Variants in SLC2A11 observed in about 807,000 individuals in gnomAD.
SLC2A11 encodes the protein solute carrier family 2 member 11, also known as solute carrier family 2, facilitated glucose transporter member 11.
SLC2A11 carries 43 observed loss-of-function variants against 52.1 expected under a neutral mutation model. That is an observed-to-expected ratio of 0.82 (90% CI 0.65 to 1.06). SLC2A11 has a LOEUF of 1.06. Ranked by LOEUF, SLC2A11 falls within the 50% of genes least tolerant of loss-of-function variation. The probability of loss-of-function intolerance (pLI) is 0.00; values close to 1 mark genes in which losing one functional copy is unlikely to be tolerated. For missense variants in SLC2A11, 582 were observed against 654.2 expected (o/e 0.89, Z 1.20); for synonymous variants, 261 against 277.6 (o/e 0.94, Z 0.59).
At chr22:23,869,887 A>G (rs1455098170) in intron 3 of SLC2A11, 11 of 670,128 alleles carry the variant, frequency 1.6e-5, no homozygotes, top group Non-Finnish European at 2.7e-6. Flanking sequence ...GTGTCCTCAT[A>G]TGGTGAAAGA....
At chr22:23,864,424 C>T (rs542678775) in intron 2 of SLC2A11, among the ~76,000 whole-genome samples, 2 of 152,220 alleles carry the variant, frequency 1.3e-5, no homozygotes, top group East Asian at 1.9e-4. Context: ...TGGGTTCAAG[C>T]GATTCTGCCT....
Position 23,884,692 on chromosome 22 carries a change from G to A in SLC2A11, c.1343G>A (p.Cys448Tyr). 2 of 1,613,294 alleles carry A rather than the reference G, an allele frequency of 1.2e-6. No individual in the cohort carries two copies. The highest frequency in any genetic ancestry group is 1.1e-5 in the South Asian group (1 of 90,984). The change falls in exon 12 of 12, where the codon TGT (cysteine) becomes TAT (tyrosine). Residue 448 changes from cysteine (C) to tyrosine (Y), a missense_variant. Physicochemically the swap from Cys to Tyr is radical, Grantham distance 194 (BLOSUM62 -2). Coordinates refer to ENST00000316185, the MANE Select transcript of SLC2A11 (RefSeq NM_001024939.4). This position sits in a 1 kb window ranked among gnomAD's most constrained non-coding sequence, Gnocchi z 4.3. The stretch of plus-strand genomic sequence containing the variant: ...CTCTATGTCCCTTTCCTTGGTGTCT[G>A]TGTCTGTGGGGCCATCTACACTGGC... ...HFLYVPFLGV[C>Y]VCGAIYTGLF...
chr22:23,872,641 A>G (rs2032493135), intron 3 of SLC2A11: 1 of 152,252 alleles, frequency 6.6e-6, no homozygotes, highest in African/African-American at 2.4e-5. Flanking sequence ...AAGTCACCTG[A>G]TAAATGTGCC....
upstream of SLC2A11, chr22:23,857,610 A>G (rs1433027246): frequency 1.1e-5 from 9 of 846,976 alleles, 1 homozygote; most frequent in Admixed American, 1.4e-4. Context: ...CCCCCCCAAC[A>G]CGCTGGGGCG....
intron 2 of SLC2A11, chr22:23,862,454 A>C (rs371238032): frequency 2.1e-6 from 1 of 473,804 alleles, no homozygotes. Context: ...GTCAGCCTTG[A>C]CTCTTCTCTT....
intron 2 of SLC2A11, 31 bp downstream of exon 2, chr22:23,862,233 C>T: frequency 6.3e-7 from 1 of 1,598,908 alleles, no homozygotes; most frequent in Non-Finnish European, 8.6e-7. Flanking sequence ...GAGACTGTCC[C>T]TGTCTGAGTG....
rs146629224 is a variant in SLC2A11, at chr22:23,858,202, G to T, written c.30+173G>T. On this transcript the variant is annotated intron_variant, in intron 1 of 11. Coordinates refer to ENST00000316185, the MANE Select transcript of SLC2A11 (RefSeq NM_001024939.4). ...TGCTAGGCTCAGATGTGCATAGGCA[G>T]GTGTTTACGCCCAGGGTCGGCCTGT... 1,163 of 1,045,582 alleles carry T rather than the reference G, an allele frequency of 1.1e-3. 12 individuals carry two copies. In the East Asian group the frequency reaches 0.013, roughly 12 times the overall value. 64.8% of individuals were successfully genotyped at this position (1,045,582 alleles called of 1,614,324 possible).
At chr22:23,866,997 C>G (rs1351874313) in intron 2 of SLC2A11, 2 of 152,486 alleles carry the variant, frequency 1.3e-5, no homozygotes, top group East Asian at 3.8e-4. Context: ...ACTTCTCTCT[C>G]CTGCCTCCTG....
upstream of SLC2A11, chr22:23,856,940 C>G (rs371651897): frequency 6.8e-6 from 11 of 1,607,510 alleles, no homozygotes; most frequent in East Asian, 6.7e-5. Context: ...CCGCATTCCG[C>G]CAAGTCTCTC....
chr22:23,868,599 T>C lies in SLC2A11; in HGVS notation c.248T>C (p.Phe83Ser). The C allele has an allele frequency of 6.2e-7, 1 of 1,614,194 alleles. No individual in the cohort carries two copies. The highest frequency in any genetic ancestry group is 1.3e-5 in the African/African-American group (1 of 75,046). The change falls in exon 3 of 12, where the codon TTT becomes TCT. Residue 83 changes from phenylalanine (F) to serine (S), a missense_variant. Transcript: ENST00000316185. ...TCTCTGTATCCCCTGGGAGGCCTCT[T>C]TGGAGCACTGCTTGCAGGTCCCTTG... ...IVSLYPLGGLFGALLAGPLAI... is the reference protein window; with the variant it reads ...IVSLYPLGGLSGALLAGPLAI...
At chr22:23,868,871 T>G (rs2032359952) in intron 3 of SLC2A11, 1 of 503,314 alleles carries the variant, frequency 2.0e-6, no homozygotes, top group Admixed American at 3.3e-5. Context: ...GTTTCTAATT[T>G]CATGTCTGCC....
chr22:23,862,037 C>A, intron 1 of SLC2A11, 67 bp from the exon 2 acceptor site: 1 of 1,284,524 alleles, frequency 7.8e-7, no homozygotes, highest in Non-Finnish European at 1.1e-6. Flanking sequence ...CTGTGATTGG[C>A]AGCTCTGGTC....
Position 23,875,158 on chromosome 22 carries a change from C to T in SLC2A11, c.332C>T (p.Ala111Val). 6.3e-7 allele frequency: 1 copy of T among 1,595,760 alleles called. No homozygotes were observed. The highest frequency in any genetic ancestry group is 1.1e-5 in the South Asian group (1 of 88,534). ...GTGAATAACATCTTTGTGGTGTCAG[C>T]AGCAATCCTGTTTGGATTCAGCCGC... ...LLVNNIFVVS[A>V]AILFGFSRKA... Residue 111 changes from alanine (A) to valine (V), a missense_variant, in exon 4 of 12, where the codon GCA becomes GTA. By Grantham distance (64) the Ala-to-Val change is moderately conservative. Coordinates refer to ENST00000316185, the MANE Select transcript of SLC2A11 (RefSeq NM_001024939.4).
intron 3 of SLC2A11, chr22:23,871,408 CAAAA>C (rs530149356): frequency 5.2e-5 from 4 of 76,614 alleles, no homozygotes; most frequent in South Asian, 4.4e-4. Context: ...GACTCCATCT[CAAAA>C]AAAAAAAAAA....
At chr22:23,858,834 C>T (rs1026274338) in intron 1 of SLC2A11, among the ~76,000 whole-genome samples, 1 of 152,202 alleles carries the variant, frequency 6.6e-6, no homozygotes, top group Non-Finnish European at 1.5e-5. Context: ...TTTGCGATTG[C>T]TTGTCTTTCT....
chr22:23,881,101 A>G (rs2032781698), intron 6 of SLC2A11: 1 of 151,318 alleles, frequency 6.6e-6, no homozygotes, highest in African/African-American at 2.4e-5. Context: ...TCTATTGCTG[A>G]CTAATAGATG....
At chr22:23,857,492 G>A (rs533061803), upstream of SLC2A11, 5 of 1,613,940 alleles carry the variant, frequency 3.1e-6, no homozygotes, top group East Asian at 8.9e-5. Flanking sequence ...AGAGGCGGAT[G>A]GAGGATGAAC....
At chr22:23,870,193 A>G in intron 3 of SLC2A11, 1 of 612,746 alleles carries the variant, frequency 1.6e-6, no homozygotes, top group Non-Finnish European at 2.9e-6. Context: ...CCCACGAAGA[A>G]GACGGAGGTA....
rs780602707 is a variant in SLC2A11, at chr22:23,875,144, C to A, written c.318C>A (p.Ile106=). 1 of 1,594,854 alleles carries A rather than the reference C, an allele frequency of 6.3e-7. No homozygotes were observed. The highest frequency in any genetic ancestry group is 1.3e-5 in the African/African-American group (1 of 74,290). The change falls in exon 4 of 12, where the codon ATC becomes ATA. Residue 106 remains isoleucine, a synonymous_variant. Transcript: ENST00000316185. ...AGAAGTCCCTCCTGGTGAATAACAT[C>A]TTTGTGGTGTCAGCAGCAATCCTGT... ...GRKKSLLVNN[I]FVVSAAILFG... is the part of the protein sequence containing the mutation.
Sources: gnomAD v4.1 joint callset for allele counts (sites outside exome capture counted in the v4.1 genomes callset) on GRCh38, gnomAD v4.1.1 for gene constraint, Gnocchi (gnomAD v3.1) non-coding constraint, MANE v1.5 for transcripts, NCBI Gene and HGNC (gene_info 2026-07-23, HGNC 2026-07-21) for gene names.